The following NLGN4X variants were observed in gnomAD, a reference collection of about 807,000 sequenced individuals.
NLGN4X encodes neuroligin 4 X-linked.
In NLGN4X, 3 loss-of-function variants were observed where a neutral mutation model predicts 40.3. The observed-to-expected ratio is 0.07, with a 90% CI of 0.03 to 0.19. The LOEUF is 0.19. Ranked by LOEUF, NLGN4X falls within the 10% of genes least tolerant of loss-of-function variation. NLGN4X has a pLI of 1.00. For synonymous variants in NLGN4X, 270 were observed against 306.8 expected (o/e 0.88, Z 1.25); for missense variants, 382 against 708.3 (o/e 0.54, Z 5.23).
intron 1 of NLGN4X, among the ~76,000 whole-genome samples, chrX:6,200,272 A>G (rs1923471324): frequency 8.9e-6 from 1 of 112,211 alleles, no homozygotes; most frequent in African/African-American, 3.2e-5. Context: ...CTCAGAGAAG[A>G]AAGTAAATAA....
chrX:5,943,041 G>A (rs1225930403), intron 3 of NLGN4X, among the ~76,000 whole-genome samples: 1 of 111,523 alleles, frequency 9.0e-6, no homozygotes, highest in Non-Finnish European at 1.9e-5. Flanking sequence ...TATCCAAGTG[G>A]GTCCATGATA....
At chrX:6,001,739 T>C (rs147091688) in intron 3 of NLGN4X, among the ~76,000 whole-genome samples, 1,567 of 109,604 alleles carry the variant, frequency 0.014, 25 homozygotes, top group African/African-American at 0.048. Context: ...CATCAAATCC[T>C]GCCCGAGCTC....
intron 3 of NLGN4X, among the ~76,000 whole-genome samples, chrX:5,980,886 T>G (rs933232356): frequency 1.8e-5 from 2 of 109,014 alleles, no homozygotes; most frequent in African/African-American, 7.1e-5. Flanking sequence ...GTAGATCTTT[T>G]GTATTTTCAT....
intron 4 of NLGN4X, among the ~76,000 whole-genome samples, chrX:5,904,659 G>A (rs970052696): frequency 1.2e-4 from 14 of 112,207 alleles, no homozygotes; most frequent in African/African-American, 4.2e-4. Flanking sequence ...CATGAGTTCA[G>A]TCTACTACAC....
chrX:6,113,108 C>T (rs2039190899), intron 2 of NLGN4X, among the ~76,000 whole-genome samples: 1 of 110,697 alleles, frequency 9.0e-6, no homozygotes, highest in Admixed American at 9.7e-5. Flanking sequence ...TCAAGAGGAG[C>T]TCAAGGAGAC....
intron 3 of NLGN4X, among the ~76,000 whole-genome samples, chrX:6,014,209 A>C (rs1450652027): frequency 9.0e-6 from 1 of 110,525 alleles, no homozygotes; most frequent in Non-Finnish European, 1.9e-5. Flanking sequence ...AAAAGTGAGG[A>C]TCTTAAGATG....
chrX:5,973,364 A>G lies in NLGN4X; in HGVS notation c.625+55916T>C, dbSNP rs2035081898. 2.7e-5 allele frequency among the ~76,000 whole-genome samples: 3 copies of G among 112,843 alleles called. No homozygotes were observed. The Admixed American group carries it at 2.8e-4, about 11-fold the overall frequency. ...TCACATTTACTATCTGGTCCTTTAC[A>G]GGAGTTTCACTGACCTGAGACAGAC... On this transcript the variant is annotated intron_variant, in intron 3 of 5. Coordinates refer to ENST00000381095, the MANE Select transcript of NLGN4X (RefSeq NM_181332.3).
intron 3 of NLGN4X, among the ~76,000 whole-genome samples, chrX:5,992,765 G>A (rs1446538647): frequency 2.7e-5 from 3 of 110,640 alleles, no homozygotes; most frequent in Non-Finnish European, 5.7e-5. Flanking sequence ...TATGGTGAGA[G>A]AGGAAGCAAG....
chrX:6,063,941 T>C (rs2037836664), intron 2 of NLGN4X, among the ~76,000 whole-genome samples: 1 of 112,222 alleles, frequency 8.9e-6, no homozygotes, highest in Admixed American at 9.4e-5. Context: ...TGGCTTTGTC[T>C]AGTTTTTCTG....
chrX:5,918,853 G>T (rs1463586059), intron 3 of NLGN4X, among the ~76,000 whole-genome samples: 1 of 111,956 alleles, frequency 8.9e-6, no homozygotes, highest in African/African-American at 3.2e-5. Flanking sequence ...CTGCATCAGA[G>T]AAATTAGTGC....
intron 5 of NLGN4X, among the ~76,000 whole-genome samples, chrX:5,901,809 GTATA>G (rs1265656293): frequency 7.7e-5 from 8 of 104,495 alleles, no homozygotes; most frequent in African/African-American, 2.8e-4. Context: ...TATATATATT[GTATA>G]TATATAGTAT....
intron 5 of NLGN4X, among the ~76,000 whole-genome samples, chrX:5,898,559 C>T (rs376988129): frequency 9.9e-5 from 11 of 111,235 alleles, no homozygotes; most frequent in African/African-American, 3.3e-4. Flanking sequence ...ACACATGCGC[C>T]ATCGAGAGAC....
chrX:6,059,594 A>ACTGC (rs1007297232), intron 2 of NLGN4X, among the ~76,000 whole-genome samples: 1 of 111,479 alleles, frequency 9.0e-6, no homozygotes, highest in Non-Finnish European at 1.9e-5. Context: ...TGTGGTAGCG[A>ACTGC]CTGCCTTACC....
chrX:6,219,362 CTTT>C (rs1324776261), intron 1 of NLGN4X, among the ~76,000 whole-genome samples: 1 of 90,388 alleles, frequency 1.1e-5, no homozygotes, highest in Admixed American at 1.2e-4. Context: ...TTCCTTCCTT[CTTT>C]TTCTCTTCTT....
intron 5 of NLGN4X, among the ~76,000 whole-genome samples, chrX:5,900,877 G>C (rs1028638917): frequency 1.8e-5 from 2 of 111,000 alleles, no homozygotes; most frequent in African/African-American, 3.3e-5. Flanking sequence ...ACTGCGCCCA[G>C]CATAGCCATA....
At chrX:6,033,295 C>G (rs1288738518) in intron 2 of NLGN4X, among the ~76,000 whole-genome samples, 1 of 111,692 alleles carries the variant, frequency 9.0e-6, no homozygotes, top group Non-Finnish European at 1.9e-5. Context: ...TAATTTCATG[C>G]ATTAAAAACT....
chrX:6,035,583 T>C (rs778427004), intron 2 of NLGN4X, among the ~76,000 whole-genome samples: 1 of 112,062 alleles, frequency 8.9e-6, no homozygotes, highest in African/African-American at 3.2e-5. Flanking sequence ...CCTTTAATTG[T>C]TTTGGCACCA....
chrX:6,124,670 A>C (rs1303429066), intron 2 of NLGN4X, among the ~76,000 whole-genome samples: 3 of 111,766 alleles, frequency 2.7e-5, no homozygotes, highest in African/African-American at 9.8e-5. Flanking sequence ...CAACAGAGCG[A>C]GACTCTGTCC....
At chrX:5,926,298 T>C (rs1460598691) in intron 3 of NLGN4X, among the ~76,000 whole-genome samples, 1 of 110,321 alleles carries the variant, frequency 9.1e-6, no homozygotes, top group African/African-American at 3.3e-5. Context: ...ACCTCTTTCC[T>C]TAATAAATTA....
Sources: gnomAD v4.1 joint callset for allele counts (sites outside exome capture counted in the v4.1 genomes callset) on GRCh38, gnomAD v4.1.1 for gene constraint, MANE v1.5 for transcripts, NCBI Gene and HGNC (gene_info 2026-07-23, HGNC 2026-07-21) for gene names.